The following ERAP1 variants were observed in gnomAD, a reference collection of about 807,000 sequenced individuals.
The protein encoded by ERAP1 is endoplasmic reticulum aminopeptidase 1.
Under a neutral mutation model 103.7 loss-of-function variants are expected in ERAP1, and 86 were observed. That is an observed-to-expected ratio of 0.83 (90% CI 0.70 to 0.99). The LOEUF is 0.99. Ranked by LOEUF, ERAP1 falls within the 50% of genes least tolerant of loss-of-function variation. The pLI is 0.00. For missense variants in ERAP1, 1,009 were observed against 1,128.4 expected, an observed-to-expected ratio of 0.89 and a Z score of 1.52; for synonymous variants, 398 against 402.4, an observed-to-expected ratio of 0.99 and a Z score of 0.13.
At chr5:96,849,097 C>T in the ERAP1 span, among the ~76,000 whole-genome samples, 58 of 152,144 alleles carry the variant, frequency 3.8e-4, no homozygotes, top group Non-Finnish European at 7.1e-4. Context: ...TGAAAACTCT[C>T]AATAATATAG....
the ERAP1 span, among the ~76,000 whole-genome samples, chr5:96,844,643 C>T: frequency 6.6e-6 from 1 of 152,122 alleles, no homozygotes; most frequent in African/African-American, 2.4e-5. Context: ...GGTTTCAATT[C>T]CAGTGGGTGA....
the ERAP1 span, chr5:96,909,574 C>T: frequency 5.6e-6 from 9 of 1,611,832 alleles, no homozygotes; most frequent in Non-Finnish European, 7.6e-6. Flanking sequence ...CTCATATTTT[C>T]TGCAGCGTTA....
intron 11 of ERAP1, 49 bp from the exon 12 acceptor site, chr5:96,786,598 AGCAGTT>A: frequency 3.2e-6 from 4 of 1,252,412 alleles, no homozygotes; most frequent in Non-Finnish European, 4.7e-6. Flanking sequence ...CAATTCAACA[AGCAGTT>A]ATTAAATCAC....
the ERAP1 span, among the ~76,000 whole-genome samples, chr5:96,887,116 C>CAA: frequency 6.7e-6 from 1 of 149,098 alleles, no homozygotes; most frequent in Non-Finnish European, 1.5e-5. Context: ...CACACACACA[C>CAA]ACACACACAC....
chr5:96,897,263 G>A, the ERAP1 span, among the ~76,000 whole-genome samples: 13 of 152,150 alleles, frequency 8.5e-5, no homozygotes, highest in Non-Finnish European at 1.8e-4. Flanking sequence ...CTTATAAGAA[G>A]AAATCTTGCT....
the ERAP1 span, among the ~76,000 whole-genome samples, chr5:96,849,776 A>G: frequency 1.3e-5 from 2 of 152,198 alleles, no homozygotes; most frequent in African/African-American, 2.4e-5. Flanking sequence ...TTCTCACAGA[A>G]CCACAAAAGA....
chr5:96,797,696 T>C (rs1777502455), intron 3 of ERAP1, among the ~76,000 whole-genome samples: 1 of 152,214 alleles, frequency 6.6e-6, no homozygotes, highest in Admixed American at 6.5e-5. Context: ...TTAAAAGTTA[T>C]CTTTCCAATG....
At chr5:96,908,385 C>T in the ERAP1 span, among the ~76,000 whole-genome samples, 6 of 152,252 alleles carry the variant, frequency 3.9e-5, no homozygotes, top group South Asian at 2.1e-4. Context: ...TAGAAGAAAA[C>T]GTAGAGAAGG....
At chr5:96,785,654 G>T (rs1488849397) in intron 13 of ERAP1, 134 bp downstream of exon 13, 2 of 906,664 alleles carry the variant, frequency 2.2e-6, no homozygotes, top group African/African-American at 2.1e-5. Flanking sequence ...ATCTTGGGTT[G>T]TTAGAAGAAC....
At chr5:96,875,488 A>G in the ERAP1 span, among the ~76,000 whole-genome samples, 1 of 151,580 alleles carries the variant, frequency 6.6e-6, no homozygotes, top group African/African-American at 2.4e-5. Context: ...GTGAGCTGGG[A>G]TGGCACCACT....
chr5:96,889,853 C>A, the ERAP1 span, among the ~76,000 whole-genome samples: 1 of 151,986 alleles, frequency 6.6e-6, no homozygotes, highest in Non-Finnish European at 1.5e-5. Context: ...CACACACACA[C>A]ACACACACAC....
chr5:96,790,502 A>T lies in ERAP1; in HGVS notation c.1452+10T>A, dbSNP rs1251574558. The T allele has an allele frequency of 1.2e-6, 2 of 1,613,686 alleles. No homozygotes were observed. The highest frequency in any genetic ancestry group is 1.7e-6 in the Non-Finnish European group (2 of 1,179,878). Reference sequence around the variant, plus strand: ...ATCCCAAATGCAGAGATATTCAAAAACATACTCACACTTGCCATACTATCC... The same window carrying T: ...ATCCCAAATGCAGAGATATTCAAAATCATACTCACACTTGCCATACTATCC... On this transcript the variant is annotated intron_variant, in intron 9 of 18. Transcript: ENST00000443439.
the ERAP1 span, chr5:96,903,476 T>C: frequency 1.2e-6 from 2 of 1,614,038 alleles, no homozygotes; most frequent in South Asian, 1.1e-5. Flanking sequence ...TGGGACCAAC[T>C]CATTACACAG....
At chr5:96,876,537 C>G in the ERAP1 span, 1 of 152,252 alleles carries the variant, frequency 6.6e-6, no homozygotes, top group Non-Finnish European at 1.5e-5. Context: ...GGTAACGTAT[C>G]AACATTTCTC....
At chr5:96,816,234 G>A in the ERAP1 span, among the ~76,000 whole-genome samples, 9,098 of 152,246 alleles carry the variant, frequency 0.06, 384 homozygotes, top group Middle Eastern at 0.14. Context: ...TATCTGAATC[G>A]TTCCCTTGCA....
At chr5:96,792,561 T>C (rs1776850344) in intron 7 of ERAP1, among the ~76,000 whole-genome samples, 1 of 152,202 alleles carries the variant, frequency 6.6e-6, no homozygotes, top group South Asian at 2.1e-4. Flanking sequence ...GCAAAGATAC[T>C]TACCTTTAAA....
At chr5:96,881,112 T>C in the ERAP1 span, 1 of 277,604 alleles carries the variant, frequency 3.6e-6, no homozygotes, top group Middle Eastern at 1.4e-3. Flanking sequence ...AGGGATCAGA[T>C]CATGTGGAGC....
chr5:96,895,450 T>C, the ERAP1 span: 3 of 913,706 alleles, frequency 3.3e-6, no homozygotes, highest in Non-Finnish European at 3.5e-6. Flanking sequence ...ACAGAAAAAC[T>C]ACATAATGTT....
the ERAP1 span, among the ~76,000 whole-genome samples, chr5:96,837,402 C>A: frequency 6.6e-6 from 1 of 152,228 alleles, no homozygotes; most frequent in African/African-American, 2.4e-5. Flanking sequence ...CAGGAAATTT[C>A]CCCGACCCCT....
Sources: gnomAD v4.1 joint callset for allele counts (sites outside exome capture counted in the v4.1 genomes callset) on GRCh38, gnomAD v4.1.1 for gene constraint, MANE v1.5 for transcripts, NCBI Gene and HGNC (gene_info 2026-07-23, HGNC 2026-07-21) for gene names.